Variants in AKAP6 observed in about 807,000 individuals in gnomAD.
AKAP6 encodes the protein A-kinase anchoring protein 6, also known as A-kinase anchor protein 6.
In AKAP6, 58 loss-of-function variants were observed where a neutral mutation model predicts 188.5. The observed-to-expected ratio is 0.31, with a 90% CI of 0.25 to 0.38. The LOEUF (loss-of-function observed/expected upper bound fraction) is 0.38, where lower values mean the gene tolerates loss of function less well. Among genes scored for constraint, AKAP6 ranks in the 10% least tolerant of loss-of-function variants. AKAP6 has a pLI of 1.00. For synonymous variants in AKAP6, 989 were observed against 998.6 expected (o/e 0.99, Z 0.18); for missense variants, 2,710 against 2,740.0 (o/e 0.99, Z 0.24).
chr14:32,712,434 T>C (rs2029934596), intron 9 of AKAP6, among the ~76,000 whole-genome samples: 1 of 152,034 alleles, frequency 6.6e-6, no homozygotes, highest in South Asian at 2.1e-4. Flanking sequence ...GCCACATTAA[T>C]TGGCTCTTTC....
At chr14:32,706,981 CT>C (rs1890838483) in intron 9 of AKAP6, among the ~76,000 whole-genome samples, 1 of 152,132 alleles carries the variant, frequency 6.6e-6, no homozygotes, top group Admixed American at 6.6e-5. Context: ...ACTATTTCAG[CT>C]GCTTTCCTAA....
intron 1 of AKAP6, among the ~76,000 whole-genome samples, chr14:32,358,868 A>T (rs1036678878): frequency 1.3e-5 from 2 of 152,188 alleles, no homozygotes; most frequent in Non-Finnish European, 2.9e-5. Context: ...GATTTCAATC[A>T]TTGTTGGACT....
At chr14:32,487,326 G>C (rs1476075621) in intron 2 of AKAP6, among the ~76,000 whole-genome samples, 1 of 152,184 alleles carries the variant, frequency 6.6e-6, no homozygotes, top group African/African-American at 2.4e-5. Context: ...GATGATGCTG[G>C]CCTCATAAAA....
intron 1 of AKAP6, among the ~76,000 whole-genome samples, chr14:32,362,894 C>T (rs1887710247): frequency 2.6e-5 from 4 of 152,102 alleles, no homozygotes. Context: ...CAAGGGCTGG[C>T]ATGAGGTTGT....
At chr14:32,794,868 A>T (rs1262619454) in intron 12 of AKAP6, among the ~76,000 whole-genome samples, 1 of 152,006 alleles carries the variant, frequency 6.6e-6, no homozygotes, top group Non-Finnish European at 1.5e-5. Context: ...ATTTTTTTTT[A>T]AATTAACAAA....
At chr14:32,498,650 G>A (rs1192104891) in intron 2 of AKAP6, among the ~76,000 whole-genome samples, 2 of 151,932 alleles carry the variant, frequency 1.3e-5, no homozygotes, top group Non-Finnish European at 2.9e-5. Context: ...TTGGGAATTC[G>A]AGGATGAGCA....
In AKAP6 at chr14:32,591,404, T is replaced by C. The variant is rs969709100; in HGVS notation, c.2470-8006T>C. Among the ~76,000 whole-genome samples the C allele has an allele frequency of 4.6e-5, 7 of 150,828 alleles. No homozygotes were observed. In the Admixed American group the frequency reaches 4.7e-4, roughly 10 times the overall value. ...GGATCTCTCCCTTCTATCTAATTCT[T>C]GCATAACATATTAGCCAGTCTATCA... On this transcript the variant is annotated intron_variant, in intron 5 of 13. Transcript: ENST00000280979.
At chr14:32,513,889 A>G (rs1398991689) in intron 2 of AKAP6, among the ~76,000 whole-genome samples, 1 of 152,170 alleles carries the variant, frequency 6.6e-6, no homozygotes, top group East Asian at 1.9e-4. Context: ...TATGCCTTGA[A>G]CATCTTCTGA....
intron 1 of AKAP6, among the ~76,000 whole-genome samples, chr14:32,361,498 A>G (rs1017987879): frequency 9.2e-5 from 14 of 152,204 alleles, no homozygotes; most frequent in African/African-American, 3.4e-4. Context: ...TACAAAGCAC[A>G]GTAAGTAGTG....
chr14:32,524,322 G>A (rs1158355748), intron 2 of AKAP6, among the ~76,000 whole-genome samples: 2 of 152,138 alleles, frequency 1.3e-5, no homozygotes, highest in Non-Finnish European at 2.9e-5. Context: ...GGGGACAGGC[G>A]GAAGCAGTTC....
At position 32,800,061 on chromosome 14, in the gene AKAP6, C is replaced by CTCTCTATATATA. The variant is rs377693074; in HGVS notation, c.3589-21340_3589-21339insCTCTATATATAT. Among the ~76,000 whole-genome samples, 405 of 136,936 alleles carry CTCTCTATATATA rather than the reference C, an allele frequency of 3.0e-3. 2 individuals are homozygous for CTCTCTATATATA. The highest frequency in any genetic ancestry group is 5.2e-3 in the South Asian group (23 of 4,406). The allele number at this position is 136,936 out of a possible 152,430, so 89.8% of individuals were successfully genotyped here. On this transcript the variant is annotated intron_variant, in intron 12 of 13. Coordinates refer to ENST00000280979, the MANE Select transcript of AKAP6 (RefSeq NM_004274.5). ...CCTGTCTCTCTCTCTCTCTCTCTCT[C>CTCTCTATATATA]TATATATATAGAAATATATATATAT...
intron 7 of AKAP6, among the ~76,000 whole-genome samples, chr14:32,664,799 G>T (rs1888851274): frequency 6.6e-6 from 1 of 152,120 alleles, no homozygotes; most frequent in South Asian, 2.1e-4. Flanking sequence ...GTCTACTCCT[G>T]TCTGAGATCC....
chr14:32,414,043 G>A (rs1208971174), intron 1 of AKAP6, among the ~76,000 whole-genome samples: 1 of 151,550 alleles, frequency 6.6e-6, no homozygotes, highest in East Asian at 1.9e-4. Context: ...GAAATTAGAT[G>A]GTAAATAAAA....
chr14:32,645,486 T>C (rs1200768291), intron 7 of AKAP6, among the ~76,000 whole-genome samples: 1 of 152,220 alleles, frequency 6.6e-6, no homozygotes, highest in African/African-American at 2.4e-5. Flanking sequence ...TCTCACTTGT[T>C]GCCCTAGCTG....
chr14:32,451,835 C>T (rs147897711), intron 2 of AKAP6, among the ~76,000 whole-genome samples: 1,634 of 152,048 alleles, frequency 0.011, 32 homozygotes, highest in African/African-American at 0.037. Context: ...GGCAACTGTA[C>T]TGGACAGCAA....
At chr14:32,793,054 T>A (rs1294763257) in intron 12 of AKAP6, among the ~76,000 whole-genome samples, 1 of 152,160 alleles carries the variant, frequency 6.6e-6, no homozygotes, top group Non-Finnish European at 1.5e-5. Context: ...GAAAAAATGT[T>A]ACCAGCCATT....
intron 1 of AKAP6, among the ~76,000 whole-genome samples, chr14:32,336,479 G>A (rs921127619): frequency 1.3e-4 from 20 of 152,152 alleles, no homozygotes; most frequent in African/African-American, 4.6e-4. Context: ...CATATGCTAA[G>A]AGAACAAACA....
At chr14:32,509,451 TG>T (rs1171756885) in intron 2 of AKAP6, among the ~76,000 whole-genome samples, 2 of 152,172 alleles carry the variant, frequency 1.3e-5, no homozygotes, top group Non-Finnish European at 2.9e-5. Context: ...GTAAACAAGA[TG>T]GACACAGTCT....
rs1414244554 is a variant in AKAP6, at chr14:32,466,810, A to G, written c.324+32993A>G. ...CTTTTTGGATCCTGATTCAAAATAT[A>G]AGCTGTAAAAACAAGATTATATATA... On this transcript the variant is annotated intron_variant, in intron 2 of 13. Coordinates refer to ENST00000280979, the MANE Select transcript of AKAP6 (RefSeq NM_004274.5). Among the ~76,000 whole-genome samples, 8 of 101,192 alleles carry G rather than the reference A, an allele frequency of 7.9e-5. No homozygotes were observed. The East Asian group carries it at 2.2e-3, about 28-fold the overall frequency. 66.4% of individuals were successfully genotyped at this position (101,192 alleles called of 152,430 possible).
Sources: gnomAD v4.1 joint callset for allele counts (sites outside exome capture counted in the v4.1 genomes callset) on GRCh38, gnomAD v4.1.1 for gene constraint, MANE v1.5 for transcripts, NCBI Gene and HGNC (gene_info 2026-07-23, HGNC 2026-07-21) for gene names.